The following TMEM154 variants were observed in gnomAD, a reference collection of about 807,000 sequenced individuals.
TMEM154 encodes transmembrane protein 154.
A neutral mutation model predicts 24.5 loss-of-function variants in TMEM154; 27 were observed. That is an observed-to-expected ratio of 1.10 (90% CI 0.81 to 1.52). The LOEUF (loss-of-function observed/expected upper bound fraction) is 1.52. Ranked by LOEUF, TMEM154 falls within the 40% of genes most tolerant of loss-of-function variation. TMEM154 has a pLI of 0.00. For missense variants in TMEM154, 228 were observed against 213.4 expected, an observed-to-expected ratio of 1.07 and a Z score of -0.43; for synonymous variants, 67 against 76.8, an observed-to-expected ratio of 0.87 and a Z score of 0.67.
chr4:152,679,939 C>T lies in TMEM154; in HGVS notation c.-6G>A. 1 of 1,607,294 alleles carries T rather than the reference C, an allele frequency of 6.2e-7. No homozygotes were observed. The highest frequency in any genetic ancestry group is 8.5e-7 in the Non-Finnish European group (1 of 1,177,584). On this transcript the variant is annotated 5_prime_UTR_variant, in exon 1 of 7. Transcript: ENST00000304385. Reference sequence around the variant, plus strand: ...GCTGCGCGGGGAGCCTGCATGTCCGCTCGCCTCGGCAGAGGCGCGCTCAGG... The same window carrying T: ...GCTGCGCGGGGAGCCTGCATGTCCGTTCGCCTCGGCAGAGGCGCGCTCAGG...
rs201429393 is a variant in TMEM154 at position 152,624,661 on chromosome 4, TAA to T, written c.*3883_*3884del. On this transcript the variant is annotated 3_prime_UTR_variant, in exon 7 of 7. Transcript: ENST00000304385. ...ATCCCCAAGAGGACTAAGAAGGAAA[TAA>T]AACTTTGGTGCCAGACAAGACAGTA... 2 of 151,480 alleles carry T rather than the reference TAA, an allele frequency of 1.3e-5. No homozygotes were observed. The highest frequency in any genetic ancestry group is 2.9e-5 in the Non-Finnish European group (2 of 67,876). The allele number at this position is 151,480 out of a possible 1,614,324, so 9.4% of individuals were successfully genotyped here.
At chr4:152,675,414 G>A (rs1040697818) in intron 1 of TMEM154, among the ~76,000 whole-genome samples, 3 of 152,120 alleles carry the variant, frequency 2.0e-5, no homozygotes, top group Admixed American at 6.5e-5. Context: ...GATCTCCTGC[G>A]GTCGCGAGTT....
Position 152,652,826 on chromosome 4 carries a change from C to T in TMEM154, c.166G>A (p.Glu56Lys), listed in dbSNP as rs751680579. 4.3e-6 allele frequency: 7 copies of T among 1,613,970 alleles called. No homozygotes were observed. The South Asian group carries it at 7.7e-5, about 18-fold the overall frequency. The stretch of plus-strand genomic sequence containing the variant: ...GAATTTATATTTGCATTTAATGTTT[C>T]TTTGATGGTCACTGCAGCAAATGTG... ...PSTFAAVTIK[E>K]TLNANINSTN... Residue 56 changes from glutamate to lysine, a missense_variant, in exon 2 of 7, where the codon GAA becomes AAA. Physicochemically the swap from Glu to Lys is moderately conservative, Grantham distance 56. Coordinates refer to ENST00000304385, the MANE Select transcript of TMEM154 (RefSeq NM_152680.3).
intron 1 of TMEM154, among the ~76,000 whole-genome samples, chr4:152,679,477 C>T (rs1271323984): frequency 6.6e-6 from 1 of 151,766 alleles, no homozygotes; most frequent in Admixed American, 6.6e-5. Context: ...GCAGACTTCT[C>T]AGCCCACACC....
chr4:152,648,005 T>C (rs1317780308), intron 3 of TMEM154, among the ~76,000 whole-genome samples: 1 of 152,016 alleles, frequency 6.6e-6, no homozygotes, highest in Admixed American at 6.6e-5. Context: ...TCCTGGACCT[T>C]AACGACCACA....
At chr4:152,634,924 T>G (rs1752119223) in intron 6 of TMEM154, among the ~76,000 whole-genome samples, 2 of 152,234 alleles carry the variant, frequency 1.3e-5, no homozygotes, top group African/African-American at 4.8e-5. Context: ...ATAAACATTA[T>G]AATTTGAAAA....
intron 6 of TMEM154, among the ~76,000 whole-genome samples, chr4:152,637,056 T>C (rs780442619): frequency 3.9e-5 from 6 of 152,086 alleles, no homozygotes; most frequent in Non-Finnish European, 7.4e-5. Flanking sequence ...TGTAGAACTC[T>C]GATGGGGGAC....
At chr4:152,643,637 C>A (rs1752299611) in intron 4 of TMEM154, among the ~76,000 whole-genome samples, 2 of 152,220 alleles carry the variant, frequency 1.3e-5, no homozygotes, top group African/African-American at 2.4e-5. Flanking sequence ...AATTCCCAGG[C>A]CTTTCTCTCT....
chr4:152,654,914 A>C (rs756373538), intron 1 of TMEM154, among the ~76,000 whole-genome samples: 43 of 152,364 alleles, frequency 2.8e-4, no homozygotes, highest in Non-Finnish European at 3.2e-4. Context: ...CTCCCACATC[A>C]GGGAATTCAT....
intron 6 of TMEM154, among the ~76,000 whole-genome samples, chr4:152,638,720 C>A (rs1752196725): frequency 6.6e-6 from 1 of 152,092 alleles, no homozygotes; most frequent in Non-Finnish European, 1.5e-5. Flanking sequence ...ATCATAATAA[C>A]CTTTGAAGTA....
rs549844671 is a variant in TMEM154 at position 152,642,141 on chromosome 4, A to G, written c.478+947T>C. Among the ~76,000 whole-genome samples, 5 of 150,144 alleles carry G rather than the reference A, an allele frequency of 3.3e-5. No homozygotes were observed. The South Asian group carries it at 1.1e-3, about 32-fold the overall frequency. On this transcript the variant is annotated intron_variant, in intron 5 of 6. Transcript: ENST00000304385. ...ACCATGTTGGCCAGGCTGGTTTCGAACTCCTGACCTCAGGTTATCCACCCG... is the reference window on the plus strand; with the variant it reads ...ACCATGTTGGCCAGGCTGGTTTCGAGCTCCTGACCTCAGGTTATCCACCCG...
At chr4:152,639,778 T>G (rs1350593887) in intron 6 of TMEM154, 2 of 152,812 alleles carry the variant, frequency 1.3e-5, no homozygotes, top group Admixed American at 1.3e-4. Context: ...AAGCATGACC[T>G]GGAATCTCTT....
intron 1 of TMEM154, among the ~76,000 whole-genome samples, chr4:152,657,272 G>A (rs1438933371): frequency 6.6e-6 from 1 of 151,234 alleles, no homozygotes; most frequent in Non-Finnish European, 1.5e-5. Context: ...CCAGCACTTT[G>A]GGAGGACAAG....
chr4:152,621,451 T>C lies in TMEM154; in HGVS notation c.*7095A>G, dbSNP rs1295955357. On this transcript the variant is annotated 3_prime_UTR_variant, in exon 7 of 7. Coordinates refer to ENST00000304385, the MANE Select transcript of TMEM154 (RefSeq NM_152680.3). Reference sequence around the variant, plus strand: ...CTTTCCCTAACTCTGTGGGACTGCATGCTCTTTGGGTCCATGCTGTCTCCA... The same window carrying C: ...CTTTCCCTAACTCTGTGGGACTGCACGCTCTTTGGGTCCATGCTGTCTCCA... The C allele has an allele frequency of 6.6e-6, 1 of 152,240 alleles. No homozygotes were observed. The highest frequency in any genetic ancestry group is 1.5e-5 in the Non-Finnish European group (1 of 68,054). The allele number at this position is 152,240 out of a possible 1,614,324, so 9.4% of individuals were successfully genotyped here. A position where few individuals can be genotyped will look rare whatever the true frequency, so the allele number is the denominator to read the frequency against.
At position 152,619,950 on chromosome 4, in the gene TMEM154, A is replaced by G. The variant is rs954995755; in HGVS notation, c.*8596T>C. ...TTAAGCAGCAATAGACTGCTGAAAC[A>G]CCCATCCAATCAGGTTTTCTCTCTT... is the stretch of plus-strand genomic sequence containing the variant. On this transcript the variant is annotated 3_prime_UTR_variant, in exon 7 of 7. Coordinates refer to ENST00000304385, the MANE Select transcript of TMEM154 (RefSeq NM_152680.3). 1 of 151,950 alleles carries G rather than the reference A, an allele frequency of 6.6e-6. No homozygotes were observed. Among genetic ancestry groups the G allele is most frequent in the Non-Finnish European group, 1.5e-5 (1 of 67,896 alleles). 9.4% of individuals were successfully genotyped at this position (151,950 alleles called of 1,614,324 possible). A position where few individuals can be genotyped will look rare whatever the true frequency, so the allele number is the denominator to read the frequency against.
At position 152,619,394 on chromosome 4, in the gene TMEM154, A is replaced by G. The variant is rs1751811032; in HGVS notation, c.*9152T>C. 1 of 151,986 alleles carries G rather than the reference A, an allele frequency of 6.6e-6. No homozygotes were observed. The allele number at this position is 151,986 out of a possible 1,614,324, so 9.4% of individuals were successfully genotyped here. On this transcript the variant is annotated 3_prime_UTR_variant, in exon 7 of 7. Transcript: ENST00000304385. ...CATGAAGACACACCAATTTGGGCAG[A>G]TCACATTTTCCAACGGTGCCTGCAA...
chr4:152,638,500 G>T (rs1170276894), intron 6 of TMEM154, among the ~76,000 whole-genome samples: 1 of 152,170 alleles, frequency 6.6e-6, no homozygotes, highest in Admixed American at 6.5e-5. Context: ...TAGGATACAG[G>T]CTTAGGATAA....
intron 6 of TMEM154, among the ~76,000 whole-genome samples, chr4:152,633,596 T>A (rs909600084): frequency 2.0e-5 from 3 of 152,170 alleles, no homozygotes; most frequent in African/African-American, 7.2e-5. Flanking sequence ...AACCTTTAGT[T>A]TGAAAGCAGT....
intron 1 of TMEM154, 149 bp from the exon 2 acceptor site, chr4:152,653,076 T>A: frequency 1.3e-6 from 1 of 752,638 alleles, no homozygotes; most frequent in Non-Finnish European, 2.1e-6. Context: ...CACAGAACAT[T>A]GATTTAACAT....
Sources: gnomAD v4.1 joint callset for allele counts (sites outside exome capture counted in the v4.1 genomes callset) on GRCh38, gnomAD v4.1.1 for gene constraint, MANE v1.5 for transcripts, NCBI Gene and HGNC (gene_info 2026-07-23, HGNC 2026-07-21) for gene names.